ARID4B: variants seen among roughly 807,000 people sequenced by gnomAD.
ARID4B encodes AT-rich interaction domain 4B, also known as AT-rich interactive domain-containing protein 4B.
Under a neutral mutation model 147.5 loss-of-function variants are expected in ARID4B, and 26 were observed. The observed-to-expected ratio is 0.18, with a 90% CI of 0.13 to 0.24. The LOEUF is 0.24. ARID4B is among the 10% of genes least tolerant of loss of function. The pLI, the probability that ARID4B is intolerant of heterozygous loss-of-function variation, is 1.00. For synonymous variants in ARID4B, 512 were observed against 507.9 expected, an observed-to-expected ratio of 1.01 and a Z score of -0.11; for missense variants, 1,179 against 1,511.5, an observed-to-expected ratio of 0.78 and a Z score of 3.65.
At chr1:235,226,639 A>G (rs910114720) in intron 11 of ARID4B, among the ~76,000 whole-genome samples, 18 of 152,050 alleles carry the variant, frequency 1.2e-4, no homozygotes, top group Non-Finnish European at 2.5e-4. Flanking sequence ...CTCCTGCCTC[A>G]GCCTCCTGAG....
chr1:235,282,639 C>T (rs911774486), intron 2 of ARID4B, among the ~76,000 whole-genome samples: 4 of 152,082 alleles, frequency 2.6e-5, no homozygotes, highest in South Asian at 2.1e-4. Context: ...CCTGTACTTT[C>T]GACAGACCCA....
intron 17 of ARID4B, among the ~76,000 whole-genome samples, chr1:235,204,780 T>C (rs1666199628): frequency 6.6e-6 from 1 of 152,202 alleles, no homozygotes; most frequent in African/African-American, 2.4e-5. Context: ...TTGTGCGTAC[T>C]TAGACAAAAA....
chr1:235,246,247 G>A (rs562118086), intron 7 of ARID4B, among the ~76,000 whole-genome samples, 173 bp downstream of exon 7: 2 of 152,200 alleles, frequency 1.3e-5, no homozygotes, highest in African/African-American at 4.8e-5. Flanking sequence ...AAGGTTGGCT[G>A]AGCATGGAGA....
chr1:235,179,706 CTTTT>C (rs144417289), intron 20 of ARID4B, among the ~76,000 whole-genome samples: 3 of 150,692 alleles, frequency 2.0e-5, no homozygotes, highest in Admixed American at 6.6e-5. Flanking sequence ...AAGATATCCT[CTTTT>C]TTTTTGTTGT....
In ARID4B at chr1:235,194,076, T is replaced by C; in HGVS notation, c.2062A>G (p.Lys688Glu). 6.2e-7 allele frequency: 1 copy of C among 1,613,218 alleles called. No individual in the cohort carries two copies. Among genetic ancestry groups the C allele is most frequent in the South Asian group, 1.1e-5 (1 of 91,052 alleles). ...TTAATATGAGCAGTATCAGAGTTTT[T>C]GGCATCAGTGAGATCCAGTTTGGAT... Reference protein sequence around the residue: ...MVSKLDLTDAKNSDTAHIKSI... With the variant: ...MVSKLDLTDAENSDTAHIKSI... The change falls in exon 19 of 24, where the codon AAA becomes GAA. Residue 688 changes from lysine to glutamate, a missense_variant. This residue lies in a region of ARID4B where 321 missense variants were observed against 342.4 expected (regional missense o/e 0.94). Coordinates refer to ENST00000264183, the MANE Select transcript of ARID4B (RefSeq NM_016374.6).
At chr1:235,178,876 TCTTA>T (rs1267019130) in intron 20 of ARID4B, among the ~76,000 whole-genome samples, 1 of 152,090 alleles carries the variant, frequency 6.6e-6, no homozygotes, top group Non-Finnish European at 1.5e-5. Context: ...GGTCATATAA[TCTTA>T]CTTACAACTT....
chr1:235,296,811 A>G (rs57396905), intron 2 of ARID4B, among the ~76,000 whole-genome samples: 1 of 1,826 alleles, frequency 5.5e-4, no homozygotes, highest in African/African-American at 1.9e-3. Context: ...GGAAGGAAGG[A>G]AGGAAGGAAG....
intron 18 of ARID4B, among the ~76,000 whole-genome samples, chr1:235,195,364 G>C: frequency 6.6e-6 from 1 of 152,042 alleles, no homozygotes. Flanking sequence ...AGGCCAAGGC[G>C]GGCGGATCAC....
intron 2 of ARID4B, among the ~76,000 whole-genome samples, chr1:235,321,378 A>G (rs1261368985): frequency 1.3e-5 from 2 of 152,130 alleles, no homozygotes; most frequent in African/African-American, 4.8e-5. Flanking sequence ...ACTTCATCCT[A>G]CCTACTTACT....
intron 2 of ARID4B, among the ~76,000 whole-genome samples, chr1:235,264,900 A>C (rs538618951): frequency 4.6e-5 from 7 of 151,964 alleles, no homozygotes; most frequent in Admixed American, 3.3e-4. Context: ...CTCTACTTAA[A>C]ATATAAAAAA....
intron 2 of ARID4B, among the ~76,000 whole-genome samples, chr1:235,299,333 C>T (rs376824390): frequency 1.3e-5 from 2 of 152,162 alleles, no homozygotes; most frequent in African/African-American, 4.8e-5. Context: ...CCTGCCTCAG[C>T]CGCCCGAGTA....
chr1:235,203,055 T>C (rs527785514), intron 17 of ARID4B, among the ~76,000 whole-genome samples: 59 of 152,254 alleles, frequency 3.9e-4, no homozygotes, highest in Non-Finnish European at 4.4e-4. Context: ...TAATGACAAA[T>C]TGTGAATACA....
intron 16 of ARID4B, among the ~76,000 whole-genome samples, chr1:235,218,323 C>T (rs913372761): frequency 3.3e-5 from 5 of 152,056 alleles, no homozygotes; most frequent in African/African-American, 1.2e-4. Context: ...CTACAAAATA[C>T]AGTTTATTCT....
intron 2 of ARID4B, among the ~76,000 whole-genome samples, chr1:235,269,206 T>TA (rs1269823752): frequency 1.4e-4 from 22 of 152,180 alleles, no homozygotes; most frequent in Admixed American, 1.4e-3. Flanking sequence ...GTAGAAAAGA[T>TA]AAAGCTTTTC....
At chr1:235,209,431 G>A (rs958816018) in intron 17 of ARID4B, among the ~76,000 whole-genome samples, 3 of 151,936 alleles carry the variant, frequency 2.0e-5, no homozygotes, top group Non-Finnish European at 2.9e-5. Flanking sequence ...ATATCACGGC[G>A]CTGCACTCCA....
chr1:235,183,131 TATA>T (rs1312729664), intron 19 of ARID4B, among the ~76,000 whole-genome samples: 3 of 151,544 alleles, frequency 2.0e-5, no homozygotes, highest in Non-Finnish European at 4.4e-5. Context: ...TTTATATAAG[TATA>T]ATATTTTTAT....
intron 16 of ARID4B, 122 bp from the exon 17 acceptor site, chr1:235,214,148 G>C (rs1342984706): frequency 1.7e-6 from 2 of 1,211,534 alleles, no homozygotes; most frequent in East Asian, 2.4e-5. Context: ...GGTTCCACGT[G>C]TATGAAATTC....
chr1:235,322,318 C>T (rs1674898889), intron 2 of ARID4B, among the ~76,000 whole-genome samples: 1 of 152,130 alleles, frequency 6.6e-6, no homozygotes, highest in Admixed American at 6.5e-5. Flanking sequence ...CCATGCCTGG[C>T]CAAGAAAATT....
In ARID4B at chr1:235,294,311, A is replaced by ATTTTTTTTT. The variant is rs5781824; in HGVS notation, c.6+32594_6+32602dup. ...GAATAATGATATGCAAACCAGCAGCATTTTTTTTTTTTTTTTTTTGAGACA... is the reference window on the plus strand; with the variant it reads ...GAATAATGATATGCAAACCAGCAGCATTTTTTTTTTTTTTTTTTTTTTTTTTTTGAGACA... On this transcript the variant is annotated intron_variant, in intron 2 of 23. Transcript: ENST00000264183. 2.6e-5 allele frequency among the ~76,000 whole-genome samples: 3 copies of ATTTTTTTTT among 114,106 alleles called. 1 individual carries two copies. Among genetic ancestry groups the ATTTTTTTTT allele is most frequent in the African/African-American group, 3.2e-5 (1 of 30,930 alleles). 74.9% of individuals were successfully genotyped at this position (114,106 alleles called of 152,430 possible).
Sources: allele counts gnomAD v4.1 joint callset (sites outside exome capture counted in the v4.1 genomes callset), GRCh38; gene constraint gnomAD v4.1.1; regional missense constraint gnomAD v4.1.1; transcripts MANE v1.5; gene names NCBI Gene and HGNC (gene_info 2026-07-23, HGNC 2026-07-21).